KHDRBS3: variants seen among roughly 807,000 people sequenced by gnomAD.
KHDRBS3 encodes the protein KH RNA binding domain containing, signal transduction associated 3.
In KHDRBS3, 23 loss-of-function variants were observed where a neutral mutation model predicts 45.6. The observed-to-expected ratio is 0.50, with a 90% CI of 0.36 to 0.72. The LOEUF is 0.72. Among genes scored for constraint, KHDRBS3 ranks in the 30% least tolerant of loss-of-function variants. The pLI, the probability that KHDRBS3 is intolerant of heterozygous loss-of-function variation, is 0.00. For missense variants in KHDRBS3, 352 were observed against 424.8 expected, an observed-to-expected ratio of 0.83 and a Z score of 1.51; for synonymous variants, 162 against 156.5, an observed-to-expected ratio of 1.04 and a Z score of -0.26.
chr8:135,486,068 T>C (rs1287625250), intron 1 of KHDRBS3, among the ~76,000 whole-genome samples: 1 of 151,800 alleles, frequency 6.6e-6, no homozygotes, highest in African/African-American at 2.4e-5. Context: ...TTTCTGAGAG[T>C]GGCCGTATGC....
At chr8:135,637,630 G>A (rs936026404) in intron 7 of KHDRBS3, among the ~76,000 whole-genome samples, 5 of 151,936 alleles carry the variant, frequency 3.3e-5, no homozygotes, top group Admixed American at 1.3e-4. Flanking sequence ...TCACAGACAC[G>A]GCAACAAAAC....
intron 6 of KHDRBS3, among the ~76,000 whole-genome samples, chr8:135,583,302 T>C (rs72732375): frequency 0.048 from 7,294 of 152,326 alleles, 283 homozygotes; most frequent in East Asian, 0.18. Flanking sequence ...TTTACAAGTT[T>C]GTTATTCAGC....
chr8:135,545,675 TA>T (rs1826264149), intron 3 of KHDRBS3, among the ~76,000 whole-genome samples: 1 of 152,188 alleles, frequency 6.6e-6, no homozygotes, highest in Admixed American at 6.5e-5. Context: ...ATTTTCTCTC[TA>T]AACTCTTTTC....
intron 7 of KHDRBS3, among the ~76,000 whole-genome samples, chr8:135,616,824 A>G (rs1422573261): frequency 1.3e-5 from 2 of 152,190 alleles, no homozygotes; most frequent in Admixed American, 6.5e-5. Flanking sequence ...TCTATGTTTC[A>G]TTCCTCGTGT....
intron 1 of KHDRBS3, among the ~76,000 whole-genome samples, chr8:135,482,368 T>C (rs1822623631): frequency 1.9e-5 from 1 of 53,570 alleles, no homozygotes; most frequent in Non-Finnish European, 3.2e-5. Flanking sequence ...AGTGTTGCCC[T>C]GGGAAATGGT....
At chr8:135,549,132 T>G in intron 4 of KHDRBS3, 1 of 325,270 alleles carries the variant, frequency 3.1e-6, no homozygotes, top group Non-Finnish European at 5.5e-6. Flanking sequence ...CAAGGTTACA[T>G]GGCTAAAAAA....
chr8:135,568,133 C>T (rs972572150), intron 5 of KHDRBS3, among the ~76,000 whole-genome samples: 2 of 152,198 alleles, frequency 1.3e-5, no homozygotes, highest in African/African-American at 4.8e-5. Context: ...GCTTCCCTCA[C>T]CCAACTTTAA....
rs59502823 is a variant in KHDRBS3 at position 135,515,365 on chromosome 8, T to TA, written c.89-5835dup. On this transcript the variant is annotated intron_variant, in intron 1 of 8. Coordinates refer to ENST00000355849, the MANE Select transcript of KHDRBS3 (RefSeq NM_006558.3). Reference sequence around the variant, plus strand: ...TGGGCGACAGAGCGAGACTCCGTCTTAAAAAAAAAAAAAAAAAAAAAAAAA... The same window carrying TA: ...TGGGCGACAGAGCGAGACTCCGTCTTAAAAAAAAAAAAAAAAAAAAAAAAAA... 2.1e-3 allele frequency among the ~76,000 whole-genome samples: 85 copies of TA among 39,740 alleles called. 4 individuals are homozygous for TA. The highest frequency in any genetic ancestry group is 3.2e-3 in the Non-Finnish European group (67 of 20,790). 26.1% of individuals were successfully genotyped at this position (39,740 alleles called of 152,430 possible). A position where few individuals can be genotyped will look rare whatever the true frequency, so the allele number is the denominator to read the frequency against.
At chr8:135,577,681 A>G (rs765112881) in intron 5 of KHDRBS3, among the ~76,000 whole-genome samples, 3 of 152,164 alleles carry the variant, frequency 2.0e-5, no homozygotes, top group Non-Finnish European at 4.4e-5. Flanking sequence ...CTTGGTTGCT[A>G]TGAATAAAGC....
At chr8:135,546,625 G>A (rs372721410) in intron 3 of KHDRBS3, among the ~76,000 whole-genome samples, 3 of 152,068 alleles carry the variant, frequency 2.0e-5, no homozygotes, top group Admixed American at 6.5e-5. Flanking sequence ...TATGTGCAAG[G>A]CTTCATCCTA....
At chr8:135,636,569 T>A (rs1226437873) in intron 7 of KHDRBS3, among the ~76,000 whole-genome samples, 2 of 152,164 alleles carry the variant, frequency 1.3e-5, no homozygotes, top group African/African-American at 4.8e-5. Context: ...TACCCTAGGC[T>A]ATTTTGAAAA....
In KHDRBS3 at chr8:135,548,760, G is replaced by C. The variant is rs1371088068; in HGVS notation, c.331G>C (p.Glu111Gln). The change falls in exon 4 of 9, where the codon GAG becomes CAG. Residue 111 changes from glutamate (E) to glutamine (Q), a missense_variant. Glu to Gln is a conservative substitution (Grantham distance 29). Transcript: ENST00000355849. The stretch of plus-strand genomic sequence containing the variant: ...TCTTTTTTCCTTTTTCCAGGAAGAA[G>C]AGTTGAGGAAAAGTGGAGAAGCGAA... Reference protein sequence around the residue: ...GSMRDKAKEEELRKSGEAKYF... With the variant: ...GSMRDKAKEEQLRKSGEAKYF... 3 of 1,533,294 alleles carry C rather than the reference G, an allele frequency of 2.0e-6. No homozygotes were observed. The highest frequency in any genetic ancestry group is 2.1e-5 in the Admixed American group (1 of 48,526). 95.0% of individuals were successfully genotyped at this position (1,533,294 alleles called of 1,614,324 possible). A position where few individuals can be genotyped will look rare whatever the true frequency, so the allele number is the denominator to read the frequency against.
rs187959211 is a variant in KHDRBS3 at position 135,504,659 on chromosome 8, A to G, written c.89-16578A>G. ...TTATATATTCATAGAAATTTACTCT[A>G]TGCTACTCAAATTAGAATGCTGATA... On this transcript the variant is annotated intron_variant, in intron 1 of 8. Coordinates refer to ENST00000355849, the MANE Select transcript of KHDRBS3 (RefSeq NM_006558.3). Among the ~76,000 whole-genome samples, 6 of 152,326 alleles carry G rather than the reference A, an allele frequency of 3.9e-5. No homozygotes were observed. In the East Asian group the frequency reaches 7.7e-4, roughly 20 times the overall value.
chr8:135,551,990 A>T (rs1421968987), intron 4 of KHDRBS3, among the ~76,000 whole-genome samples: 1 of 151,604 alleles, frequency 6.6e-6, no homozygotes, highest in Non-Finnish European at 1.5e-5. Context: ...CTACCTTCTG[A>T]CCTCTGTTAT....
Position 135,625,900 on chromosome 8 carries a change from G to C in KHDRBS3, c.890+18863G>C, listed in dbSNP as rs556547818. 3.9e-6 allele frequency: 3 copies of C among 775,992 alleles called. No homozygotes were observed. In the East Asian group the frequency reaches 7.3e-5, roughly 19 times the overall value. 48.1% of individuals were successfully genotyped at this position (775,992 alleles called of 1,614,324 possible). A position where few individuals can be genotyped will look rare whatever the true frequency, so the allele number is the denominator to read the frequency against. ...TCGATCTTTGTCACGTTCAACTGCAGAGACTAATTGATCCAGGCCAGCATG... is the reference window on the plus strand; with the variant it reads ...TCGATCTTTGTCACGTTCAACTGCACAGACTAATTGATCCAGGCCAGCATG... On this transcript the variant is annotated intron_variant, in intron 7 of 8. Coordinates refer to ENST00000355849, the MANE Select transcript of KHDRBS3 (RefSeq NM_006558.3).
At chr8:135,627,523 A>G (rs999264754) in intron 7 of KHDRBS3, among the ~76,000 whole-genome samples, 1 of 152,268 alleles carries the variant, frequency 6.6e-6, no homozygotes, top group Admixed American at 6.5e-5. Flanking sequence ...GTGAAGATGC[A>G]TGTTAAACAG....
chr8:135,523,857 A>G (rs1477008614), intron 2 of KHDRBS3, among the ~76,000 whole-genome samples: 1 of 152,130 alleles, frequency 6.6e-6, no homozygotes, highest in African/African-American at 2.4e-5. Flanking sequence ...AATAAACACA[A>G]TGTATTTCTC....
chr8:135,564,831 A>G (rs564087144), intron 5 of KHDRBS3, among the ~76,000 whole-genome samples: 85 of 152,114 alleles, frequency 5.6e-4, no homozygotes, highest in Non-Finnish European at 8.5e-4. Context: ...CTTTTTGTTC[A>G]TTAGCAGGAT....
downstream of KHDRBS3, among the ~76,000 whole-genome samples, chr8:135,652,376 G>T (rs1252797274): frequency 6.6e-6 from 1 of 152,194 alleles, no homozygotes; most frequent in Non-Finnish European, 1.5e-5. Context: ...ATCTTAATGT[G>T]ATGAGTCCTT....
Sources: allele counts gnomAD v4.1 joint callset (sites outside exome capture counted in the v4.1 genomes callset), GRCh38; gene constraint gnomAD v4.1.1; transcripts MANE v1.5; gene names NCBI Gene and HGNC (gene_info 2026-07-23, HGNC 2026-07-21).